The following KANTR variants were observed in gnomAD, a reference collection of about 807,000 sequenced individuals.
KANTR encodes KANTR integral membrane protein.
chrX:53,129,268 T>TGTGTGTGTGTGTGTGTG, downstream of KANTR, among the ~76,000 whole-genome samples: 4 of 106,425 alleles, frequency 3.8e-5, no homozygotes, highest in Admixed American at 1.0e-4. Flanking sequence ...TGTGTGTGTG[T>TGTGTGTGTGTGTGTGTG]TTAGTAGAGA....
At chrX:53,099,938 T>G (rs1932875472) in intron 2 of KANTR, among the ~76,000 whole-genome samples, 1 of 112,228 alleles carries the variant, frequency 8.9e-6, no homozygotes. Context: ...TAAACAGATT[T>G]GCTATCATCC....
At chrX:53,102,130 C>G (rs370029271) in intron 2 of KANTR, among the ~76,000 whole-genome samples, 1 of 112,018 alleles carries the variant, frequency 8.9e-6, no homozygotes, top group Non-Finnish European at 1.9e-5. Flanking sequence ...AAAAATGGCA[C>G]TAATAGATTT....
At chrX:53,143,347 A>G, downstream of KANTR, 1 of 741,877 alleles carries the variant, frequency 1.3e-6, no homozygotes. Flanking sequence ...GATCTTCATG[A>G]GGTAGTTGGT....
chrX:53,144,157 G>A (rs1933541884), downstream of KANTR, among the ~76,000 whole-genome samples: 1 of 111,692 alleles, frequency 9.0e-6, no homozygotes, highest in African/African-American at 3.3e-5. Flanking sequence ...CACTTTATGA[G>A]GCCGAGGAGG....
At chrX:53,142,617 A>G (rs1252259579) in exon 3 of KANTR, 14 of 319,540 alleles carry the variant, frequency 4.4e-5, no homozygotes, top group African/African-American at 2.4e-4. Context: ...TCTGGCCACA[A>G]ATTTCTTTTT....
chrX:53,123,713 C>G (rs1933255882), exon 3 of KANTR: 1 of 111,754 alleles, frequency 8.9e-6, no homozygotes, highest in African/African-American at 3.3e-5. Flanking sequence ...CCTCCAGCAG[C>G]TCCACAGGTC....
intron 2 of KANTR, among the ~76,000 whole-genome samples, chrX:53,117,422 C>T (rs1463126699): frequency 9.0e-6 from 1 of 110,726 alleles, no homozygotes; most frequent in African/African-American, 3.3e-5. Flanking sequence ...TCCCATTCCT[C>T]ACCCTCCCCA....
chrX:53,110,411 T>G (rs1556813531), intron 2 of KANTR, among the ~76,000 whole-genome samples: 1 of 112,230 alleles, frequency 8.9e-6, no homozygotes, highest in African/African-American at 3.2e-5. Context: ...ATGGTTTTTG[T>G]CCTTCATTCT....
At chrX:53,138,478 C>G (rs1933456079) in intron 2 of KANTR, among the ~76,000 whole-genome samples, 1 of 108,011 alleles carries the variant, frequency 9.3e-6, no homozygotes, top group Non-Finnish European at 1.9e-5. Flanking sequence ...GCCTGACCAA[C>G]ATGGAGAAAC....
downstream of KANTR, chrX:53,143,144 G>T: frequency 9.8e-7 from 1 of 1,025,377 alleles, no homozygotes; most frequent in Non-Finnish European, 1.4e-6. Context: ...AACAGCACCT[G>T]CAGACACCAG....
chrX:53,140,251 C>T (rs782460824), intron 2 of KANTR, among the ~76,000 whole-genome samples: 9 of 111,967 alleles, frequency 8.0e-5, no homozygotes, highest in Admixed American at 4.7e-4. Context: ...AATCCCAGCA[C>T]TTTGGAAGGC....
chrX:53,105,169 C>T (rs1426228379), intron 2 of KANTR, among the ~76,000 whole-genome samples: 1 of 111,668 alleles, frequency 9.0e-6, no homozygotes, highest in East Asian at 2.8e-4. Flanking sequence ...TAGGTATGAG[C>T]CATGGTGCCC....
chrX:53,146,931 A>G (rs1933584895), downstream of KANTR, among the ~76,000 whole-genome samples: 2 of 111,919 alleles, frequency 1.8e-5, no homozygotes, highest in South Asian at 7.4e-4. Flanking sequence ...AGATTTTGTC[A>G]CCACCAAGCC....
chrX:53,142,293 T>G (rs1276732117), exon 3 of KANTR: 4 of 131,099 alleles, frequency 3.1e-5, no homozygotes, highest in Non-Finnish European at 5.9e-5. Flanking sequence ...AGATACAAGC[T>G]TCAAGGACAA....
At position 53,109,531 on chromosome X, in the gene KANTR, G is replaced by A. The variant is rs782267670; in HGVS notation, c.-805+9923G>A. Among the ~76,000 whole-genome samples the A allele has an allele frequency of 1.6e-3, 175 of 111,713 alleles. 1 individual carries two copies. Among genetic ancestry groups the A allele is most frequent in the Admixed American group, 3.8e-3 (40 of 10,562 alleles). Reference sequence around the variant, plus strand: ...ACCCCTGACCTCAGGTGATCCACCCGCCTCGGCCTCCCAAAGTGCTGGGAT... The same window carrying A: ...ACCCCTGACCTCAGGTGATCCACCCACCTCGGCCTCCCAAAGTGCTGGGAT... On this transcript the variant is annotated intron_variant, in intron 2 of 2. Coordinates refer to ENST00000604062, the Ensembl canonical transcript of KANTR.
intron 2 of KANTR, among the ~76,000 whole-genome samples, chrX:53,103,498 T>C (rs1932912957): frequency 9.0e-6 from 1 of 111,138 alleles, no homozygotes; most frequent in South Asian, 3.8e-4. Flanking sequence ...CATGACCCAC[T>C]GTTACAATCA....
intron 2 of KANTR, among the ~76,000 whole-genome samples, chrX:53,118,315 CCTT>C (rs1478561454): frequency 1.8e-5 from 2 of 112,033 alleles, no homozygotes; most frequent in East Asian, 2.8e-4. Context: ...ATATTGTCCT[CCTT>C]CTTATTTTTT....
chrX:53,117,148 G>A (rs376499310), intron 2 of KANTR, among the ~76,000 whole-genome samples: 1 of 110,591 alleles, frequency 9.0e-6, no homozygotes, highest in Non-Finnish European at 1.9e-5. Context: ...TGGGTGTGAC[G>A]GCATGTGCCT....
chrX:53,099,888 G>A (rs968273509), intron 2 of KANTR, among the ~76,000 whole-genome samples: 1 of 111,999 alleles, frequency 8.9e-6, no homozygotes, highest in African/African-American at 3.2e-5. Flanking sequence ...TGAGTAGCAG[G>A]TCTCAACAGT....
Sources: allele counts gnomAD v4.1 joint callset (sites outside exome capture counted in the v4.1 genomes callset), GRCh38; gene constraint gnomAD v4.1.1; transcripts MANE v1.5; gene names NCBI Gene and HGNC (gene_info 2026-07-23, HGNC 2026-07-21).